SYT1: variants seen among roughly 807,000 people sequenced by gnomAD.
SYT1 encodes the protein synaptotagmin 1.
A neutral mutation model predicts 44.8 loss-of-function variants in SYT1; 8 were observed. The observed-to-expected ratio is 0.18, with a 90% CI of 0.10 to 0.32. The LOEUF (loss-of-function observed/expected upper bound fraction) is 0.32. Among genes scored for constraint, SYT1 ranks in the 10% least tolerant of loss-of-function variants. The probability of loss-of-function intolerance (pLI) is 1.00; values close to 1 mark genes in which losing one functional copy is unlikely to be tolerated. For synonymous variants in SYT1, 154 were observed against 188.8 expected, an observed-to-expected ratio of 0.82 and a Z score of 1.51; for missense variants, 286 against 509.3, an observed-to-expected ratio of 0.56 and a Z score of 4.22.
At chr12:78,907,630 T>C (rs118054954) in intron 1 of SYT1, among the ~76,000 whole-genome samples, 286 of 152,128 alleles carry the variant, frequency 1.9e-3, no homozygotes, top group Middle Eastern at 3.4e-3. Flanking sequence ...TCTTCTCTTA[T>C]GTACTGATGA....
At chr12:79,315,629 G>A (rs1592958990) in intron 8 of SYT1, among the ~76,000 whole-genome samples, 1 of 152,120 alleles carries the variant, frequency 6.6e-6, no homozygotes, top group African/African-American at 2.4e-5. Context: ...TCCTGGGGCT[G>A]TTTCAAAAGT....
chr12:79,386,897 T>C (rs578183895), intron 9 of SYT1, among the ~76,000 whole-genome samples: 1 of 152,306 alleles, frequency 6.6e-6, no homozygotes, highest in African/African-American at 2.4e-5. Context: ...TTATCTTTCT[T>C]GCTTTCTCTC....
At chr12:79,174,264 C>T (rs561269573) in intron 3 of SYT1, among the ~76,000 whole-genome samples, 1 of 151,896 alleles carries the variant, frequency 6.6e-6, no homozygotes, top group South Asian at 2.1e-4. Flanking sequence ...AGATGGATAC[C>T]CATCACAGAA....
intron 3 of SYT1, among the ~76,000 whole-genome samples, chr12:79,189,098 G>A (rs1872964620): frequency 6.6e-6 from 1 of 152,054 alleles, no homozygotes; most frequent in African/African-American, 2.4e-5. Context: ...GTAAAAAGAT[G>A]ACTAGACCAC....
At chr12:79,056,451 T>C (rs1402724992) in intron 3 of SYT1, among the ~76,000 whole-genome samples, 2 of 152,050 alleles carry the variant, frequency 1.3e-5, no homozygotes, top group Non-Finnish European at 2.9e-5. Context: ...AGAGTAAAGC[T>C]TGAGACATTT....
At chr12:79,421,599 T>C (rs1375770431) in intron 9 of SYT1, among the ~76,000 whole-genome samples, 1 of 152,164 alleles carries the variant, frequency 6.6e-6, no homozygotes, top group Non-Finnish European at 1.5e-5. Context: ...TGTCTTGACA[T>C]GTTGGTTGGT....
chr12:78,931,308 AGAGGGAGGGAGGGAGG>A (rs1279053038), intron 1 of SYT1, among the ~76,000 whole-genome samples: 1 of 27,608 alleles, frequency 3.6e-5, no homozygotes, highest in African/African-American at 1.9e-4. Flanking sequence ...GGAAGGAAGG[AGAGGGAGGGAGGGAGG>A]GAGGGAGGGA....
chr12:79,407,107 A>T (rs1033703839), intron 9 of SYT1, among the ~76,000 whole-genome samples: 1 of 152,114 alleles, frequency 6.6e-6, no homozygotes, highest in African/African-American at 2.4e-5. Context: ...AGTGCTTAGC[A>T]CAGGCCCTGA....
intron 8 of SYT1, among the ~76,000 whole-genome samples, chr12:79,318,101 C>G (rs1006975234): frequency 1.3e-5 from 2 of 152,122 alleles, no homozygotes; most frequent in African/African-American, 4.8e-5. Context: ...TGACCATTCT[C>G]CTAAATTTCC....
At chr12:79,411,028 C>T (rs1405497) in intron 9 of SYT1, among the ~76,000 whole-genome samples, 20,884 of 152,074 alleles carry the variant, frequency 0.14, 1,885 homozygotes, top group Middle Eastern at 0.34. Context: ...TAGATAAGCC[C>T]GAGATTGGTT....
chr12:79,078,207 G>C (rs1005249302), intron 3 of SYT1, among the ~76,000 whole-genome samples: 1 of 152,148 alleles, frequency 6.6e-6, no homozygotes, highest in Non-Finnish European at 1.5e-5. Context: ...TGTTGGGGAA[G>C]AAGCAAGTTG....
chr12:79,209,095 C>G (rs1389396596), intron 3 of SYT1, among the ~76,000 whole-genome samples: 8 of 152,168 alleles, frequency 5.3e-5, no homozygotes, highest in Non-Finnish European at 2.9e-5. Context: ...TTCTTTGGAA[C>G]TACTGCCATA....
intron 9 of SYT1, among the ~76,000 whole-genome samples, chr12:79,433,403 A>G (rs571796882): frequency 2.0e-5 from 3 of 152,340 alleles, no homozygotes; most frequent in East Asian, 3.9e-4. Context: ...GTCATATTAC[A>G]TGTACATTTA....
At chr12:79,378,829 A>AT (rs1420408339) in intron 9 of SYT1, among the ~76,000 whole-genome samples, 1 of 152,210 alleles carries the variant, frequency 6.6e-6, no homozygotes, top group Non-Finnish European at 1.5e-5. Context: ...GAAGCATTAA[A>AT]TGTCATAAAT....
intron 2 of SYT1, among the ~76,000 whole-genome samples, chr12:79,016,100 T>C (rs1206995906): frequency 6.6e-6 from 1 of 152,162 alleles, no homozygotes; most frequent in Non-Finnish European, 1.5e-5. Context: ...TAAGTTACCA[T>C]TTCTAAATTT....
At chr12:79,139,412 G>A (rs12578523) in intron 3 of SYT1, among the ~76,000 whole-genome samples, 3,385 of 152,218 alleles carry the variant, frequency 0.022, 198 homozygotes, top group East Asian at 0.21. Context: ...TTTTGATGAT[G>A]ACATTGAATA....
intron 1 of SYT1, among the ~76,000 whole-genome samples, chr12:78,970,781 C>G (rs1868355150): frequency 6.6e-6 from 1 of 151,946 alleles, no homozygotes; most frequent in Admixed American, 6.6e-5. Flanking sequence ...AGAAATAAAC[C>G]CAATATGGCT....
intron 2 of SYT1, among the ~76,000 whole-genome samples, chr12:79,029,603 T>C (rs1736175455): frequency 6.6e-6 from 1 of 151,178 alleles, no homozygotes; most frequent in Non-Finnish European, 1.5e-5. Context: ...TTCATGCATG[T>C]AATGTTATTC....
chr12:79,130,774 G>T (rs1398463089), intron 3 of SYT1, among the ~76,000 whole-genome samples: 5 of 152,084 alleles, frequency 3.3e-5, no homozygotes, highest in African/African-American at 4.8e-5. Context: ...TTGGTCCTTT[G>T]TCTTTGAACC....
Sources: gnomAD v4.1 joint callset for allele counts (sites outside exome capture counted in the v4.1 genomes callset) on GRCh38, gnomAD v4.1.1 for gene constraint, MANE v1.5 for transcripts, NCBI Gene and HGNC (gene_info 2026-07-23, HGNC 2026-07-21) for gene names.